Variants in STK24 observed in about 807,000 individuals in gnomAD.
The protein encoded by STK24 is serine/threonine-protein kinase 24.
A neutral mutation model predicts 55.6 loss-of-function variants in STK24; 21 were observed. The observed-to-expected ratio is 0.38, with a 90% CI of 0.27 to 0.54. The LOEUF is 0.54. Among genes scored for constraint, STK24 ranks in the 20% least tolerant of loss-of-function variants. STK24 has a pLI of 0.79. For missense variants in STK24, 383 were observed against 538.4 expected (o/e 0.71, Z 2.86); for synonymous variants, 200 against 215.2 (o/e 0.93, Z 0.62).
chr13:98,454,388 G>C (rs1893352151), intron 10 of STK24: 1 of 152,178 alleles, frequency 6.6e-6, no homozygotes, highest in Non-Finnish European at 1.5e-5. Context: ...AGATGGCTGA[G>C]GATGTCTTTG....
chr13:98,518,624 T>C (rs1416518050), intron 2 of STK24, among the ~76,000 whole-genome samples: 5 of 152,232 alleles, frequency 3.3e-5, no homozygotes, highest in Non-Finnish European at 7.3e-5. Flanking sequence ...ATGTCTAAAA[T>C]GGTAAAATGG....
At chr13:98,460,012 G>A (rs1250162399) in intron 9 of STK24, among the ~76,000 whole-genome samples, 2 of 152,204 alleles carry the variant, frequency 1.3e-5, no homozygotes, top group Admixed American at 6.5e-5. Context: ...GGCATCCAAC[G>A]TCTCCTTAGA....
intron 2 of STK24, among the ~76,000 whole-genome samples, chr13:98,511,831 G>A (rs1262588463): frequency 2.6e-5 from 4 of 152,022 alleles, no homozygotes; most frequent in Non-Finnish European, 5.9e-5. Flanking sequence ...CATGTGTGGT[G>A]GTACTTATAA....
At position 98,448,172 on chromosome 13, in the gene STK24, C is replaced by G; in HGVS notation, c.*5001G>C. ...TCACCTTGTGTTTCTGTAAGCGATG[C>G]CCACCAAAGTGTCAGGAGTCCGTCC... is the stretch of plus-strand genomic sequence containing the variant. On this transcript the variant is annotated 3_prime_UTR_variant, in exon 11 of 11. Coordinates refer to ENST00000539966, the MANE Select transcript of STK24 (RefSeq NM_001032296.4). 1 of 1,361,404 alleles carries G rather than the reference C, an allele frequency of 7.3e-7. No individual in the cohort carries two copies. Among genetic ancestry groups the G allele is most frequent in the East Asian group, 2.3e-5 (1 of 43,674 alleles). 84.3% of individuals were successfully genotyped at this position (1,361,404 alleles called of 1,614,324 possible). A position where few individuals can be genotyped will look rare whatever the true frequency, so the allele number is the denominator to read the frequency against.
chr13:98,509,484 T>C (rs1566376022), intron 2 of STK24, among the ~76,000 whole-genome samples: 2 of 149,768 alleles, frequency 1.3e-5, no homozygotes, highest in African/African-American at 5.0e-5. Flanking sequence ...CAACAGTTCC[T>C]CAAAAACAAA....
At chr13:98,502,785 T>A (rs1895525674) in intron 2 of STK24, among the ~76,000 whole-genome samples, 1 of 152,184 alleles carries the variant, frequency 6.6e-6, no homozygotes, top group Non-Finnish European at 1.5e-5. Context: ...TCACCCAGTC[T>A]ATGGTAACTA....
intron 1 of STK24, among the ~76,000 whole-genome samples, chr13:98,546,844 C>T (rs1278111185): frequency 2.0e-5 from 3 of 152,174 alleles, no homozygotes; most frequent in Non-Finnish European, 1.5e-5. Context: ...TTACTCACAC[C>T]TGAATCTCTG....
chr13:98,447,965 G>T lies in STK24; in HGVS notation c.*5208C>A. On this transcript the variant is annotated 3_prime_UTR_variant, in exon 11 of 11. Transcript: ENST00000539966. The stretch of plus-strand genomic sequence containing the variant: ...GTAGCGTTCTCCCCAGCAACCAGAG[G>T]CCACCTCGCTCCTAACTGCTCCAAT... 2.0e-5 allele frequency: 10 copies of T among 493,088 alleles called. No homozygotes were observed. In the South Asian group the frequency reaches 2.8e-4, roughly 14 times the overall value. The allele number at this position is 493,088 out of a possible 1,614,324, so 30.5% of individuals were successfully genotyped here.
chr13:98,466,440 T>C lies in STK24; in HGVS notation c.719A>G (p.Glu240Gly). 1.2e-6 allele frequency: 2 copies of C among 1,613,856 alleles called. No homozygotes were observed. Among genetic ancestry groups the C allele is most frequent in the Non-Finnish European group, 1.7e-6 (2 of 1,180,046 alleles). The change falls in exon 6 of 11, where the codon GAA becomes GGA. Residue 240 changes from glutamate to glycine, a missense_variant. Glu to Gly is a moderately conservative substitution (Grantham distance 98). Transcript: ENST00000539966. ...LIPKNNPPTL[E>G]GNYSKPLKEF... ...CTTGAGGGGTTTACTGTAGTTTCCT[T>C]CCAACGTCGGTGGGTTGTTCTTTGG...
At position 98,451,623 on chromosome 13, in the gene STK24, G is replaced by A. The variant is rs1223919267; in HGVS notation, c.*1550C>T. 6.6e-6 allele frequency: 1 copy of A among 152,162 alleles called. No homozygotes were observed. Among genetic ancestry groups the A allele is most frequent in the African/African-American group, 2.4e-5 (1 of 41,434 alleles). The allele number at this position is 152,162 out of a possible 1,614,324, so 9.4% of individuals were successfully genotyped here. On this transcript the variant is annotated 3_prime_UTR_variant, in exon 11 of 11. Coordinates refer to ENST00000539966, the MANE Select transcript of STK24 (RefSeq NM_001032296.4). ...GAGGCCACTAGACCAGCAGATAGCT[G>A]AGCTACATCCCCAAGCTCACCCACT...
intron 1 of STK24, among the ~76,000 whole-genome samples, chr13:98,539,093 C>T (rs1343159568): frequency 6.6e-6 from 1 of 152,174 alleles, no homozygotes; most frequent in Non-Finnish European, 1.5e-5. Flanking sequence ...CCATCAAAGG[C>T]TCAGCCTGCT....
At chr13:98,560,326 T>C (rs966018434) in intron 1 of STK24, among the ~76,000 whole-genome samples, 1 of 152,330 alleles carries the variant, frequency 6.6e-6, no homozygotes, top group African/African-American at 2.4e-5. Flanking sequence ...GAATGTATTA[T>C]TTCAATGACT....
At chr13:98,535,094 A>C (rs1211825995) in intron 1 of STK24, among the ~76,000 whole-genome samples, 2 of 152,204 alleles carry the variant, frequency 1.3e-5, no homozygotes, top group African/African-American at 2.4e-5. Context: ...CACGCCTGTA[A>C]TCCCAACATT....
intron 2 of STK24, among the ~76,000 whole-genome samples, chr13:98,491,770 T>G (rs1245338953): frequency 6.7e-6 from 1 of 149,972 alleles, no homozygotes; most frequent in Non-Finnish European, 1.5e-5. Flanking sequence ...GATACATGCA[T>G]AAATAATCAA....
chr13:98,535,427 A>G (rs1217123323), intron 1 of STK24, among the ~76,000 whole-genome samples: 1 of 144,678 alleles, frequency 6.9e-6, no homozygotes, highest in African/African-American at 2.6e-5. Context: ...ACACACACAC[A>G]CACACACACG....
intron 1 of STK24, chr13:98,521,724 C>T (rs370872298): frequency 2.6e-6 from 2 of 772,532 alleles, no homozygotes; most frequent in Admixed American, 1.7e-5. Context: ...ATGAAACATA[C>T]CCCGTTTTCA....
At chr13:98,453,709 A>G (rs1045780946) in intron 10 of STK24, 2 of 153,348 alleles carry the variant, frequency 1.3e-5, no homozygotes, top group African/African-American at 4.8e-5. Flanking sequence ...GGATTTTCGT[A>G]ATTACACTAA....
chr13:98,491,005 CA>C (rs201331287), intron 2 of STK24, among the ~76,000 whole-genome samples: 3,946 of 152,078 alleles, frequency 0.026, 89 homozygotes, highest in Admixed American at 0.068. Flanking sequence ...CAGCCCAGCA[CA>C]GAAAGCCGGG....
intron 1 of STK24, among the ~76,000 whole-genome samples, chr13:98,536,942 G>C (rs1038148209): frequency 3.3e-5 from 5 of 149,708 alleles, no homozygotes; most frequent in African/African-American, 1.3e-4. Flanking sequence ...GGGGGAAGCA[G>C]GCCCTTGTGT....
Sources: gnomAD v4.1 joint callset for allele counts (sites outside exome capture counted in the v4.1 genomes callset) on GRCh38, gnomAD v4.1.1 for gene constraint, MANE v1.5 for transcripts, NCBI Gene and HGNC (gene_info 2026-07-23, HGNC 2026-07-21) for gene names.